The following CLK2 variants were observed in gnomAD, a reference collection of about 807,000 sequenced individuals.
CLK2 encodes the protein CDC like kinase 2.
Under a neutral mutation model 73.5 loss-of-function variants are expected in CLK2, and 12 were observed. That is an observed-to-expected ratio of 0.16 (90% CI 0.10 to 0.26). The LOEUF (loss-of-function observed/expected upper bound fraction) is 0.26. CLK2 is among the 10% of genes least tolerant of loss of function. CLK2 has a pLI of 1.00. For synonymous variants in CLK2, 232 were observed against 237.9 expected (o/e 0.98, Z 0.23); for missense variants, 509 against 688.4 (o/e 0.74, Z 2.92).
chr1:155,262,956 C>T lies in CLK2; in HGVS notation c.*262G>A. The T allele has an allele frequency of 2.5e-6, 1 of 402,986 alleles. No homozygotes were observed. Among genetic ancestry groups the T allele is most frequent in the Non-Finnish European group, 4.4e-6 (1 of 226,974 alleles). 25.0% of individuals were successfully genotyped at this position (402,986 alleles called of 1,614,324 possible). A position where few individuals can be genotyped will look rare whatever the true frequency, so the allele number is the denominator to read the frequency against. ...TGGGGTAGATGCCACCTGGTTACCT[C>T]ACTCGGCCCCCATCCAACTCCGTAT... is the stretch of plus-strand genomic sequence containing the variant. On this transcript the variant is annotated 3_prime_UTR_variant, in exon 13 of 13. Transcript: ENST00000368361.
chr1:155,269,248 A>G, intron 3 of CLK2: 1 of 600,202 alleles, frequency 1.7e-6, no homozygotes, highest in South Asian at 2.0e-5. Context: ...TCCCAACACA[A>G]TAAGCCCAAC....
At chr1:155,266,950 C>T in intron 6 of CLK2, 55 bp from the exon 7 acceptor site, 3 of 1,585,790 alleles carry the variant, frequency 1.9e-6, no homozygotes, top group Non-Finnish European at 1.7e-6. Context: ...ATCTGCCCAT[C>T]AGCCATCCAA....
At chr1:155,272,618 T>C (rs1344661392) in intron 1 of CLK2, among the ~76,000 whole-genome samples, 1 of 152,110 alleles carries the variant, frequency 6.6e-6, no homozygotes. Flanking sequence ...GAGGGTGGTA[T>C]TTGATGCATT....
Position 155,273,435 on chromosome 1 carries a change from G to T in CLK2, c.-235C>A. ...CTCGCACCGCCCCCGCCCGGGGCCC[G>T]ATCCCAGCTCGGTCTCCGGCTCTGG... On this transcript the variant is annotated 5_prime_UTR_variant, in exon 1 of 13. Coordinates refer to ENST00000368361, the MANE Select transcript of CLK2 (RefSeq NM_001294338.2). The T allele has an allele frequency of 6.9e-6, 1 of 145,342 alleles. No homozygotes were observed. Among genetic ancestry groups the T allele is most frequent in the South Asian group, 2.4e-4 (1 of 4,172 alleles). The allele number at this position is 145,342 out of a possible 1,614,324, so 9.0% of individuals were successfully genotyped here.
intron 2 of CLK2, 102 bp downstream of exon 2, chr1:155,270,706 G>C (rs1673453083): frequency 1.5e-5 from 19 of 1,295,980 alleles, no homozygotes; most frequent in Non-Finnish European, 2.0e-5. Flanking sequence ...CCTTCAGCCA[G>C]CTACTTAAGG....
chr1:155,264,298 G>C lies in CLK2; in HGVS notation c.1149C>G (p.Thr383=). 6.2e-7 allele frequency: 1 copy of C among 1,614,134 alleles called. No individual in the cohort carries two copies. The highest frequency in any genetic ancestry group is 8.5e-7 in the Non-Finnish European group (1 of 1,180,000). The change falls in exon 11 of 13, where the codon ACC becomes ACG. Residue 383 remains threonine, a splice_region_variant and synonymous_variant. Coordinates refer to ENST00000368361, the MANE Select transcript of CLK2 (RefSeq NM_001294338.2). Reference sequence around the variant, plus strand: ...TGGCTAGATGCTCTCTGTTGTCATGGGTCTGGGAAACAAAAACAGAACTGA... The same window carrying C: ...TGGCTAGATGCTCTCTGTTGTCATGCGTCTGGGAAACAAAAACAGAACTGA... ...EYYVGFTLFQ[T]HDNREHLAMM...
intron 8 of CLK2, among the ~76,000 whole-genome samples, chr1:155,265,252 T>A (rs1673172045): frequency 1.3e-5 from 2 of 152,052 alleles, no homozygotes; most frequent in African/African-American, 4.8e-5. Context: ...CTTTCCTACC[T>A]CACAGAAATA....
rs1425362515 is a variant in CLK2 at position 155,266,850 on chromosome 1, C to A, written c.717G>T (p.Met239Ile). 6.2e-7 allele frequency: 1 copy of A among 1,613,472 alleles called. No individual in the cohort carries two copies. Among genetic ancestry groups the A allele is most frequent in the Non-Finnish European group, 8.5e-7 (1 of 1,179,704 alleles). Residue 239 changes from methionine (M) to isoleucine (I), a missense_variant, in exon 7 of 13, where the codon ATG becomes ATT. Physicochemically the swap from Met to Ile is conservative, Grantham distance 10 (BLOSUM62 1). Coordinates refer to ENST00000368361, the MANE Select transcript of CLK2 (RefSeq NM_001294338.2). ...MFDWFDYHGH[M>I]CISFELLGLS... ...GGCCCAGAAGCTCAAAGGAGATACA[C>A]ATGTGGCCATGGTAGTCAAACCAGT...
At chr1:155,267,779 GT>G (rs1673300896) in intron 6 of CLK2, among the ~76,000 whole-genome samples, 1 of 152,194 alleles carries the variant, frequency 6.6e-6, no homozygotes. Context: ...CTAGGCTGGG[GT>G]CAAACGACAG....
rs139538080 is a variant in CLK2, at chr1:155,269,799, G to A, written c.171-83C>T. 14 of 1,242,578 alleles carry A rather than the reference G, an allele frequency of 1.1e-5. No homozygotes were observed. The African/African-American group carries it at 2.1e-4, about 18-fold the overall frequency. 77.0% of individuals were successfully genotyped at this position (1,242,578 alleles called of 1,614,324 possible). On this transcript the variant is annotated intron_variant, in intron 2 of 12. Transcript: ENST00000368361. ...CCCTGTGACAAGGTCCTGCCTTAGT[G>A]AGGACAAAGAGTAATGCTAGAAAAC...
chr1:155,266,344 C>T (rs1175360551), intron 7 of CLK2, among the ~76,000 whole-genome samples: 1 of 152,218 alleles, frequency 6.6e-6, no homozygotes, highest in East Asian at 1.9e-4. Context: ...GTGTTCCCAT[C>T]TCCTTTGCTG....
chr1:155,263,462 G>A, intron 12 of CLK2, 62 bp from the exon 13 acceptor site: 2 of 1,584,908 alleles, frequency 1.3e-6, no homozygotes, highest in Admixed American at 1.8e-5. Flanking sequence ...CCTTCTTCAA[G>A]ACCCTACCTT....
At position 155,263,281 on chromosome 1, in the gene CLK2, G is replaced by A. The variant is rs768615621; in HGVS notation, c.1437C>T (p.Phe479=). Reference sequence around the variant, plus strand: ...TGGGCGGCTCAGCCCGAAGGCGGGCGAAGAAAGGATGCTGAAGGGCTTCAC... The same window carrying A: ...TGGGCGGCTCAGCCCGAAGGCGGGCAAAGAAAGGATGCTGAAGGGCTTCAC... The part of the protein sequence containing the change: ...TLGEALQHPF[F]ARLRAEPPNK... The change falls in exon 13 of 13, where the codon TTC becomes TTT. Residue 479 remains phenylalanine (F), a synonymous_variant. Transcript: ENST00000368361. 54 of 1,614,162 alleles carry A rather than the reference G, an allele frequency of 3.3e-5. 1 individual carries two copies. The highest frequency in any genetic ancestry group is 1.5e-4 in the South Asian group (14 of 91,086).
chr1:155,268,189 G>A lies in CLK2; in HGVS notation c.555-63C>T, dbSNP rs1469471361. 2 of 1,557,058 alleles carry A rather than the reference G, an allele frequency of 1.3e-6. No homozygotes were observed. Among genetic ancestry groups the A allele is most frequent in the African/African-American group, 1.4e-5 (1 of 73,630 alleles). The stretch of plus-strand genomic sequence containing the variant: ...AGAATGTCTCAAAATGAACAGGGCT[G>A]TAGGGGGACTAAGAAATTCTACCTC... On this transcript the variant is annotated intron_variant, in intron 5 of 12. Coordinates refer to ENST00000368361, the MANE Select transcript of CLK2 (RefSeq NM_001294338.2). This position sits in a 1 kb window ranked among gnomAD's most constrained non-coding sequence, Gnocchi z 5.6.
At chr1:155,271,915 C>T (rs1428928348) in intron 1 of CLK2, among the ~76,000 whole-genome samples, 1 of 152,178 alleles carries the variant, frequency 6.6e-6, no homozygotes, top group Non-Finnish European at 1.5e-5. Context: ...GGCCAACTCT[C>T]CCTTGAGAGG....
rs748539641 is a variant in CLK2, at chr1:155,264,205, C to G, written c.1226+16G>C. On this transcript the variant is annotated intron_variant, in intron 11 of 12. Transcript: ENST00000368361. ...AGAAAAGGAAAAGAGTTAACTAGTG[C>G]CCCCTCAAGGTTCACCTTGTCTTTC... The G allele has an allele frequency of 1.2e-6, 2 of 1,612,752 alleles. No homozygotes were observed. Among genetic ancestry groups the G allele is most frequent in the Admixed American group, 3.3e-5 (2 of 60,022 alleles).
chr1:155,269,613 C>G lies in CLK2; in HGVS notation c.274G>C (p.Asp92His). ...YSRDRGDAYY[D>H]TDYRHSYEYQ... Reference sequence around the variant, plus strand: ...TCATAGGAATGCCGATAGTCTGTGTCATAGTAGGCATCTCCCCGATCCCGG... The same window carrying G: ...TCATAGGAATGCCGATAGTCTGTGTGATAGTAGGCATCTCCCCGATCCCGG... The change falls in exon 3 of 13, where the codon GAC (aspartate) becomes CAC (histidine). Residue 92 changes from aspartate (D) to histidine (H), a missense_variant. Transcript: ENST00000368361. 6.2e-7 allele frequency: 1 copy of G among 1,614,250 alleles called. No homozygotes were observed. The highest frequency in any genetic ancestry group is 8.5e-7 in the Non-Finnish European group (1 of 1,180,048).
In CLK2 at chr1:155,266,772, G is replaced by A. The variant is rs1014730288; in HGVS notation, c.795C>T (p.His265=). ...KDNNYLPYPI[H]QVRHMAFQLC... is the part of the protein sequence containing the mutation. ...GCTGGAAGGCCATGTGGCGCACTTGGTGGATGGGGTAGGGCAGGTAGTTGT... is the reference window on the plus strand; with the variant it reads ...GCTGGAAGGCCATGTGGCGCACTTGATGGATGGGGTAGGGCAGGTAGTTGT... The change falls in exon 7 of 13, where the codon CAC becomes CAT. Residue 265 remains histidine, a synonymous_variant. Coordinates refer to ENST00000368361, the MANE Select transcript of CLK2 (RefSeq NM_001294338.2). 6.2e-7 allele frequency: 1 copy of A among 1,613,582 alleles called. No homozygotes were observed. Among genetic ancestry groups the A allele is most frequent in the Non-Finnish European group, 8.5e-7 (1 of 1,179,792 alleles).
At chr1:155,264,109 G>C in intron 11 of CLK2, 69 bp from the exon 12 acceptor site, 3 of 1,546,818 alleles carry the variant, frequency 1.9e-6, no homozygotes, top group South Asian at 1.1e-5. Flanking sequence ...TTCCCCATCT[G>C]AAAGTAACTG....
Sources: gnomAD v4.1 joint callset for allele counts (sites outside exome capture counted in the v4.1 genomes callset) on GRCh38, gnomAD v4.1.1 for gene constraint, Gnocchi (gnomAD v3.1) non-coding constraint, MANE v1.5 for transcripts, NCBI Gene and HGNC (gene_info 2026-07-23, HGNC 2026-07-21) for gene names.